MYH8: variants seen among roughly 807,000 people sequenced by gnomAD.
The protein encoded by MYH8 is myosin heavy chain 8.
A neutral mutation model predicts 233.2 loss-of-function variants in MYH8; 168 were observed. The ratio of observed to expected loss-of-function variants is 0.72; its 90% CI spans 0.64 to 0.82. The LOEUF (loss-of-function observed/expected upper bound fraction) is 0.82, where lower values mean the gene tolerates loss of function less well. Among genes scored for constraint, MYH8 ranks in the 40% least tolerant of loss-of-function variants. The pLI, the probability that MYH8 is intolerant of heterozygous loss-of-function variation, is 0.00. For missense variants in MYH8, 1,995 were observed against 2,327.8 expected, an observed-to-expected ratio of 0.86 and a Z score of 2.94; for synonymous variants, 785 against 850.6, an observed-to-expected ratio of 0.92 and a Z score of 1.34.
intron 28 of MYH8, 31 bp from the exon 29 acceptor site, chr17:10,398,917 A>ACTGG: frequency 6.5e-7 from 1 of 1,540,032 alleles, no homozygotes; most frequent in Non-Finnish European, 8.9e-7. Flanking sequence ...GGAATTTTTT[A>ACTGG]CTGGCATAAA....
Position 10,419,425 on chromosome 17 carries a change from T to C in MYH8, c.211-395A>G, listed in dbSNP as rs2072317593. Among the ~76,000 whole-genome samples, 1 of 152,200 alleles carries C rather than the reference T, an allele frequency of 6.6e-6. No homozygotes were observed. The highest frequency in any genetic ancestry group is 1.5e-5 in the Non-Finnish European group (1 of 68,036). On this transcript the variant is annotated intron_variant, in intron 3 of 39. Coordinates refer to ENST00000403437, the MANE Select transcript of MYH8 (RefSeq NM_002472.3). The surrounding 1 kb of genome is among the most constrained non-coding windows in gnomAD (Gnocchi z 4.0). ...GCCTGTATATTTTGGTACAAAACTA[T>C]AATCACACATACTTCTCATTATATT...
At chr17:10,420,340 T>C (rs1237394674) in intron 2 of MYH8, 83 bp from the exon 3 acceptor site, 6 of 1,240,166 alleles carry the variant, frequency 4.8e-6, no homozygotes, top group Non-Finnish European at 6.9e-6. Flanking sequence ...AAAGAAATGT[T>C]GAACATAGCC....
rs1291904253 is a variant in MYH8, at chr17:10,406,121, T to A, written c.2352A>T (p.Leu784Phe). The A allele has an allele frequency of 1.9e-6, 3 of 1,614,134 alleles. No homozygotes were observed. Among genetic ancestry groups the A allele is most frequent in the Admixed American group, 1.7e-5 (1 of 60,024 alleles). The change falls in exon 21 of 40, where the codon TTA (leucine) becomes TTT (phenylalanine). Residue 784 changes from leucine (L) to phenylalanine (F), a missense_variant. Coordinates refer to ENST00000403437, the MANE Select transcript of MYH8 (RefSeq NM_002472.3). The stretch of plus-strand genomic sequence containing the variant: ...CTTGTGTTCTTGTTATAATTTGGGC[T>A]AATTTTTCATCTCTCATTTCTTCCA... ...GLLEEMRDEK[L>F]AQIITRTQAV...
chr17:10,391,504 GC>G (rs2072023007), intron 39 of MYH8, among the ~76,000 whole-genome samples: 1 of 151,982 alleles, frequency 6.6e-6, no homozygotes, highest in African/African-American at 2.4e-5. Context: ...ACACGGTGAA[GC>G]CCTGTCTGTA....
Position 10,396,556 on chromosome 17 carries a change from G to T in MYH8, c.4525C>A (p.Gln1509Lys). The change falls in exon 32 of 40, where the codon CAA becomes AAA. Residue 1509 changes from glutamine (Q) to lysine (K), a missense_variant. Gln to Lys is a moderately conservative substitution (Grantham distance 53). Transcript: ENST00000403437. This position sits in a 1 kb window ranked among gnomAD's most constrained non-coding sequence, Gnocchi z 4.2. ...ETLRRENKNL[Q>K]QEISDLTEQI... Reference sequence around the variant, plus strand: ...AGGGAGGACTGTGAGGACTCACGTTGCAAGTTCTTATTTTCTCTTCTTAGC... The same window carrying T: ...AGGGAGGACTGTGAGGACTCACGTTTCAAGTTCTTATTTTCTCTTCTTAGC... 2 of 1,613,998 alleles carry T rather than the reference G, an allele frequency of 1.2e-6. No homozygotes were observed. The highest frequency in any genetic ancestry group is 1.7e-6 in the Non-Finnish European group (2 of 1,179,942).
chr17:10,412,309 A>G, intron 14 of MYH8, 61 bp downstream of exon 14: 1 of 1,613,892 alleles, frequency 6.2e-7, no homozygotes, highest in South Asian at 1.1e-5. Flanking sequence ...GAATAATGAT[A>G]ATACCTAATA....
In MYH8 at chr17:10,396,418, C is replaced by T; in HGVS notation, c.4565G>A (p.Gly1522Glu). 2 of 1,614,088 alleles carry T rather than the reference C, an allele frequency of 1.2e-6. No homozygotes were observed. The highest frequency in any genetic ancestry group is 1.1e-5 in the South Asian group (1 of 91,062). ...ISDLTEQIAE[G>E]GKQIHELEKI... ...CTCCAATTCATGAATTTGCTTTCCT[C>T]CCTCTGCAATCTGCTCAGTGAGGTC... Residue 1522 changes from glycine (G) to glutamate (E), a missense_variant, in exon 33 of 40, where the codon GGA becomes GAA. Physicochemically the swap from Gly to Glu is moderately conservative, Grantham distance 98. Around this residue, in one of 3 missense-constraint regions of MYH8, gnomAD observed 1,498 missense variants for 1,680.9 expected, o/e 0.89. Coordinates refer to ENST00000403437, the MANE Select transcript of MYH8 (RefSeq NM_002472.3). The surrounding 1 kb of genome is among the most constrained non-coding windows in gnomAD (Gnocchi z 4.2).
intron 5 of MYH8, among the ~76,000 whole-genome samples, chr17:10,416,063 C>T (rs950119929): frequency 2.6e-5 from 4 of 152,128 alleles, no homozygotes; most frequent in Non-Finnish European, 5.9e-5. Flanking sequence ...ATTCTTTTCA[C>T]CTTGTCAAAC....
Position 10,419,496 on chromosome 17 carries a change from G to A in MYH8, c.211-466C>T, listed in dbSNP as rs2072318029. Among the ~76,000 whole-genome samples, 1 of 152,152 alleles carries A rather than the reference G, an allele frequency of 6.6e-6. No individual in the cohort carries two copies. The highest frequency in any genetic ancestry group is 2.1e-4 in the South Asian group (1 of 4,836). ...AGGCATGAAATATATTCATTTCAGA[G>A]TTTAATGTTAAGAAAACCTGTTTCC... On this transcript the variant is annotated intron_variant, in intron 3 of 39. Coordinates refer to ENST00000403437, the MANE Select transcript of MYH8 (RefSeq NM_002472.3). The surrounding 1 kb of genome is among the most constrained non-coding windows in gnomAD (Gnocchi z 4.0).
In MYH8 at chr17:10,412,626, C is replaced by T. The variant is rs769755030; in HGVS notation, c.1250G>A (p.Gly417Asp). Residue 417 changes from glycine to aspartate, a missense_variant, in exon 13 of 40, where the codon GGC becomes GAC. Gly to Asp is a moderately conservative substitution (Grantham distance 94). Around this residue, in one of 3 missense-constraint regions of MYH8, gnomAD observed 479 missense variants for 600.9 expected, o/e 0.80. Transcript: ENST00000403437. ...TGCACTTACCTGCTGCACAGTCTGG[C>T]CTTTGGTGACATACTCATTGCCAAC... The part of the protein sequence containing the change: ...VKVGNEYVTK[G>D]QTVQQVYNAV... 15 of 1,614,096 alleles carry T rather than the reference C, an allele frequency of 9.3e-6. No homozygotes were observed. Among genetic ancestry groups the T allele is most frequent in the Non-Finnish European group, 1.3e-5 (15 of 1,180,054 alleles).
Position 10,391,915 on chromosome 17 carries a change from C to G in MYH8, c.5631G>C (p.Lys1877Asn), listed in dbSNP as rs190701829. 6.2e-7 allele frequency: 1 copy of G among 1,614,120 alleles called. No individual in the cohort carries two copies. The highest frequency in any genetic ancestry group is 1.3e-5 in the African/African-American group (1 of 75,034). The change falls in exon 39 of 40, where the codon AAG (lysine) becomes AAC (asparagine). Residue 1877 changes from lysine (K) to asparagine (N), a missense_variant. Lys to Asn is a moderately conservative substitution (Grantham distance 94). Coordinates refer to ENST00000403437, the MANE Select transcript of MYH8 (RefSeq NM_002472.3). ...CAGCTTGTCTCTTGTATGATTTCAC[C>G]TTCGCCTGTAATTTATCTACCAAGT... is the stretch of plus-strand genomic sequence containing the variant. Reference protein sequence around the residue: ...LQDLVDKLQAKVKSYKRQAEE... With the variant: ...LQDLVDKLQANVKSYKRQAEE...
chr17:10,396,879 TCAA>T lies in MYH8; in HGVS notation c.4283_4285del (p.Val1428del). ...CCTTTCCACATCAAGCATGAGGTCTTCAACTTCATTCTGGAGCCGCTGCTTCGT... is the reference window on the plus strand; with the variant it reads ...CCTTTCCACATCAAGCATGAGGTCTTCTTCATTCTGGAGCCGCTGCTTCGT... On this transcript the variant is annotated inframe_deletion, in exon 31 of 40. Coordinates refer to ENST00000403437, the MANE Select transcript of MYH8 (RefSeq NM_002472.3). The surrounding 1 kb of genome is among the most constrained non-coding windows in gnomAD (Gnocchi z 4.2). 1 of 1,614,198 alleles carries T rather than the reference TCAA, an allele frequency of 6.2e-7. No individual in the cohort carries two copies. The highest frequency in any genetic ancestry group is 1.3e-5 in the African/African-American group (1 of 75,048).
chr17:10,421,356 C>T (rs2142194486), intron 2 of MYH8, among the ~76,000 whole-genome samples: 1 of 152,220 alleles, frequency 6.6e-6, no homozygotes, highest in East Asian at 1.9e-4. Context: ...CAATGCTTTG[C>T]CATAGAAGAA....
At chr17:10,394,484 GT>G (rs1337673938) in intron 34 of MYH8, 32 bp from the exon 35 acceptor site, 1 of 1,609,900 alleles carries the variant, frequency 6.2e-7, no homozygotes, top group Non-Finnish European at 8.5e-7. Context: ...GGCCTTAAGT[GT>G]TCTGAAGAGG....
At chr17:10,403,049 T>C (rs2072157738) in intron 22 of MYH8, among the ~76,000 whole-genome samples, 1 of 152,188 alleles carries the variant, frequency 6.6e-6, no homozygotes, top group Non-Finnish European at 1.5e-5. Context: ...CTAAATCTGG[T>C]TAATGTGGAA....
chr17:10,411,504 C>G (rs1035152868), intron 14 of MYH8, among the ~76,000 whole-genome samples: 3 of 152,134 alleles, frequency 2.0e-5, no homozygotes, highest in African/African-American at 7.2e-5. Flanking sequence ...TCTAAGATTG[C>G]ATGGGCAAGA....
chr17:10,415,904 T>C lies in MYH8; in HGVS notation c.512-196A>G, dbSNP rs1309161783. ...TTGTGAAAATGAAAGCAAAGAATCATCTCTTCCTTTTTGTATTTATTAATT... is the reference window on the plus strand; with the variant it reads ...TTGTGAAAATGAAAGCAAAGAATCACCTCTTCCTTTTTGTATTTATTAATT... On this transcript the variant is annotated intron_variant, in intron 5 of 39. Transcript: ENST00000403437. The surrounding 1 kb of genome is among the most constrained non-coding windows in gnomAD (Gnocchi z 4.1). Among the ~76,000 whole-genome samples the C allele has an allele frequency of 6.6e-6, 1 of 152,178 alleles. No homozygotes were observed. The highest frequency in any genetic ancestry group is 1.9e-4 in the East Asian group (1 of 5,200).
intron 21 of MYH8, among the ~76,000 whole-genome samples, chr17:10,404,831 T>C (rs533713476): frequency 6.6e-6 from 1 of 152,266 alleles, no homozygotes; most frequent in Admixed American, 6.5e-5. Context: ...ACGGTTCATA[T>C]TGAGCACATC....
Position 10,394,244 on chromosome 17 carries a change from C to T in MYH8, c.5166+5G>A. ...ACCAGCATTTGTTTGATGTGAGGGT[C>T]TCACCTGGGTGTGGAGGAGCTGGAC... On this transcript the variant is annotated splice_donor_5th_base_variant and intron_variant, in intron 35 of 39. Transcript: ENST00000403437. 2 of 1,613,874 alleles carry T rather than the reference C, an allele frequency of 1.2e-6. No homozygotes were observed. Among genetic ancestry groups the T allele is most frequent in the South Asian group, 1.1e-5 (1 of 91,074 alleles).
Sources: allele counts gnomAD v4.1 joint callset (sites outside exome capture counted in the v4.1 genomes callset), GRCh38; gene constraint gnomAD v4.1.1; regional missense constraint gnomAD v4.1.1; non-coding constraint Gnocchi (gnomAD v3.1); transcripts MANE v1.5; gene names NCBI Gene and HGNC (gene_info 2026-07-23, HGNC 2026-07-21).